Variants in CHEK2 observed in about 807,000 individuals in gnomAD.
CHEK2 encodes the protein serine/threonine-protein kinase Chk2.
In CHEK2, 71 loss-of-function variants were observed where a neutral mutation model predicts 69.1. The ratio of observed to expected loss-of-function variants is 1.03; its 90% CI spans 0.85 to 1.25. The LOEUF (loss-of-function observed/expected upper bound fraction) is 1.25. CHEK2 is among the 50% of genes most tolerant of loss of function. The pLI is 0.00. For missense variants in CHEK2, 664 were observed against 649.6 expected, an observed-to-expected ratio of 1.02 and a Z score of -0.24; for synonymous variants, 189 against 226.9, an observed-to-expected ratio of 0.83 and a Z score of 1.50.
At chr22:28,700,329 A>G (rs924092075) in intron 8 of CHEK2, among the ~76,000 whole-genome samples, 7 of 150,436 alleles carry the variant, frequency 4.7e-5, no homozygotes, top group African/African-American at 1.5e-4. Context: ...CTCATGCCTT[A>G]GCCTCCCAAG....
rs1023327270 is a variant in CHEK2 at position 28,721,579 on chromosome 22, G to A, written c.593-2094C>T. The A allele has an allele frequency of 8.1e-5, 37 of 454,028 alleles. No individual in the cohort carries two copies. The East Asian group carries it at 1.8e-3, about 22-fold the overall frequency. 28.1% of individuals were successfully genotyped at this position (454,028 alleles called of 1,614,324 possible). On this transcript the variant is annotated intron_variant, in intron 4 of 14. Coordinates refer to ENST00000404276, the MANE Select transcript of CHEK2 (RefSeq NM_007194.4). ...TGGGATTAAAGACGTGAGCCACCGC[G>A]CCCCGCCGTATTTTTGAAAATCAGC...
At chr22:28,698,475 A>G (rs972219948) in intron 9 of CHEK2, among the ~76,000 whole-genome samples, 2 of 152,206 alleles carry the variant, frequency 1.3e-5, no homozygotes, top group African/African-American at 4.8e-5. Flanking sequence ...CCTCTGGGTT[A>G]GAACAAAAAT....
At chr22:28,741,090 C>G (rs1464104235) in intron 1 of CHEK2, among the ~76,000 whole-genome samples, 1 of 136,144 alleles carries the variant, frequency 7.3e-6, no homozygotes, top group African/African-American at 2.8e-5. Context: ...GCAGAAGTTG[C>G]AGTGAGCCCA....
intron 2 of CHEK2, among the ~76,000 whole-genome samples, chr22:28,733,656 T>C (rs2054281673): frequency 6.6e-6 from 1 of 152,120 alleles, no homozygotes; most frequent in African/African-American, 2.4e-5. Flanking sequence ...CGGTTGCTCA[T>C]GCCTGTAATC....
At chr22:28,692,464 T>C (rs2052402013) in intron 13 of CHEK2, among the ~76,000 whole-genome samples, 1 of 120,006 alleles carries the variant, frequency 8.3e-6, no homozygotes, top group Admixed American at 8.6e-5. Flanking sequence ...AACACATATA[T>C]GTCTTTTTTT....
At chr22:28,741,164 A>G (rs1005998915) in intron 1 of CHEK2, among the ~76,000 whole-genome samples, 28 of 151,610 alleles carry the variant, frequency 1.8e-4, no homozygotes, top group Non-Finnish European at 2.8e-4. Context: ...AAAAAAAAAA[A>G]AAAAAAAAGG....
At chr22:28,722,728 T>TG (rs1032219629) in intron 4 of CHEK2, among the ~76,000 whole-genome samples, 32 of 152,186 alleles carry the variant, frequency 2.1e-4, no homozygotes, top group African/African-American at 7.5e-4. Flanking sequence ...TTTGGTTAGA[T>TG]GGGGTCTCAC....
rs1189761608 is a variant in CHEK2, at chr22:28,689,061, T to C, written c.1542+74A>G. 38 of 975,300 alleles carry C rather than the reference T, an allele frequency of 3.9e-5. No homozygotes were observed. Among genetic ancestry groups the C allele is most frequent in the Non-Finnish European group, 5.4e-5 (34 of 624,240 alleles). The allele number at this position is 975,300 out of a possible 1,614,324, so 60.4% of individuals were successfully genotyped here. ...TAAGCAATTGCTACTCAGGAAAATC[T>C]TGAATTTCATCATCTTTGCTTATCA... On this transcript the variant is annotated intron_variant, in intron 14 of 14. Coordinates refer to ENST00000404276, the MANE Select transcript of CHEK2 (RefSeq NM_007194.4).
rs750012749 is a variant in CHEK2 at position 28,695,160 on chromosome 22, T to C, written c.1342A>G (p.Ile448Val). ...DQITSGKYNFIPEVWAEVSEK... is the reference protein window; with the variant it reads ...DQITSGKYNFVPEVWAEVSEK... ...GAGACTTCTGCCCAGACTTCAGGAA[T>C]GAAGTTGTATTTTCCACTGGTGATC... Residue 448 changes from isoleucine (I) to valine (V), a missense_variant, in exon 12 of 15, where the codon ATT becomes GTT. Physicochemically the swap from Ile to Val is conservative, Grantham distance 29 (BLOSUM62 3). Coordinates refer to ENST00000404276, the MANE Select transcript of CHEK2 (RefSeq NM_007194.4). 3.1e-6 allele frequency: 5 copies of C among 1,613,244 alleles called. No individual in the cohort carries two copies. In the Admixed American group the frequency reaches 6.7e-5, roughly 22 times the overall value.
Position 28,725,139 on chromosome 22 carries a change from A to T in CHEK2, c.445-15T>A, listed in dbSNP as rs1064793595. The T allele has an allele frequency of 6.2e-6, 10 of 1,614,006 alleles. No homozygotes were observed. Among genetic ancestry groups the T allele is most frequent in the Non-Finnish European group, 8.5e-6 (10 of 1,180,010 alleles). On this transcript the variant is annotated splice_polypyrimidine_tract_variant and intron_variant, in intron 3 of 14. Coordinates refer to ENST00000404276, the MANE Select transcript of CHEK2 (RefSeq NM_007194.4). ...GGACCCACTTCCTAAAATAGAGAAC[A>T]TTTTGTTTCAGACTTTGAATAGCAG...
intron 13 of CHEK2, among the ~76,000 whole-genome samples, chr22:28,692,745 C>T (rs2052413816): frequency 6.6e-6 from 1 of 152,194 alleles, no homozygotes; most frequent in Non-Finnish European, 1.5e-5. Flanking sequence ...GGCTTTGTGT[C>T]CCTACCCAAA....
intron 4 of CHEK2, among the ~76,000 whole-genome samples, chr22:28,724,161 A>T (rs1328192624): frequency 6.6e-6 from 1 of 152,166 alleles, no homozygotes; most frequent in Non-Finnish European, 1.5e-5. Flanking sequence ...TAATCCCAGC[A>T]CTTTGGGAGG....
chr22:28,729,732 T>G (rs1420905245), intron 2 of CHEK2, among the ~76,000 whole-genome samples: 1 of 151,990 alleles, frequency 6.6e-6, no homozygotes, highest in Non-Finnish European at 1.5e-5. Flanking sequence ...AGTAAACTCC[T>G]TCAACCTAAT....
At position 28,695,111 on chromosome 22, in the gene CHEK2, C is replaced by A. The variant is rs776700371; in HGVS notation, c.1375+16G>T. The stretch of plus-strand genomic sequence containing the variant: ...TTTTAGCATACCACAAATTCTTAAC[C>A]CTTTCATATTCATACCTTTCTCTGA... On this transcript the variant is annotated intron_variant, in intron 12 of 14. Coordinates refer to ENST00000404276, the MANE Select transcript of CHEK2 (RefSeq NM_007194.4). 4.0e-6 allele frequency: 6 copies of A among 1,503,132 alleles called. No homozygotes were observed. The South Asian group carries it at 4.5e-5, about 11-fold the overall frequency. 93.1% of individuals were successfully genotyped at this position (1,503,132 alleles called of 1,614,324 possible).
At chr22:28,721,281 G>GTTTTT (rs755378917) in intron 4 of CHEK2, among the ~76,000 whole-genome samples, 146 of 109,926 alleles carry the variant, frequency 1.3e-3, no homozygotes, top group Non-Finnish European at 2.0e-3. Flanking sequence ...GTTTGTTTGG[G>GTTTTT]TTTTTTTTTT....
intron 10 of CHEK2, 111 bp downstream of exon 10, chr22:28,696,790 G>A: frequency 1.4e-6 from 1 of 734,644 alleles, no homozygotes; most frequent in East Asian, 2.7e-5. Flanking sequence ...TGGTAACAGT[G>A]AAAGGGTCAG....
chr22:28,714,330 T>C (rs940010425), intron 5 of CHEK2, among the ~76,000 whole-genome samples: 1 of 152,192 alleles, frequency 6.6e-6, no homozygotes, highest in Non-Finnish European at 1.5e-5. Context: ...ATATTCAGCA[T>C]CTTTTGATGT....
At chr22:28,709,726 C>T (rs540922225) in intron 7 of CHEK2, among the ~76,000 whole-genome samples, 1 of 152,254 alleles carries the variant, frequency 6.6e-6, no homozygotes, top group Admixed American at 6.5e-5. Flanking sequence ...AAGCACTTCT[C>T]CTGCCTCAGC....
chr22:28,726,261 C>G (rs991177721), intron 2 of CHEK2: 7 of 151,620 alleles, frequency 4.6e-5, no homozygotes, highest in African/African-American at 7.3e-5. Context: ...TCCAGCTACT[C>G]AGGAGGCTGA....
Sources: gnomAD v4.1 joint callset for allele counts (sites outside exome capture counted in the v4.1 genomes callset) on GRCh38, gnomAD v4.1.1 for gene constraint, MANE v1.5 for transcripts, NCBI Gene and HGNC (gene_info 2026-07-23, HGNC 2026-07-21) for gene names.